Variants in ATP8A2 observed in about 807,000 individuals in gnomAD.
ATP8A2 encodes the protein phospholipid-transporting ATPase IB.
In ATP8A2, 100 loss-of-function variants were observed where a neutral mutation model predicts 165.6. That is an observed-to-expected ratio of 0.60 (90% CI 0.51 to 0.71). The LOEUF (loss-of-function observed/expected upper bound fraction) is 0.71, where lower values mean the gene tolerates loss of function less well. ATP8A2 is among the 30% of genes least tolerant of loss of function. The pLI, the probability that ATP8A2 is intolerant of heterozygous loss-of-function variation, is 0.00. For synonymous variants in ATP8A2, 543 were observed against 548.8 expected (o/e 0.99, Z 0.15); for missense variants, 1,227 against 1,479.5 (o/e 0.83, Z 2.80).
At chr13:25,591,147 G>GTGTA (rs2040064250) in intron 24 of ATP8A2, 1 of 402,512 alleles carries the variant, frequency 2.5e-6, no homozygotes, top group Non-Finnish European at 5.1e-6. Context: ...GTGTGTGTGT[G>GTGTA]TGTGTGTGTG....
rs115212780 is a variant in ATP8A2 at position 25,390,116 on chromosome 13, T to C, written c.76+17828T>C. The stretch of plus-strand genomic sequence containing the variant: ...TTCAAACGATTCTCCTACCTCAGCC[T>C]CTGAGTAGCTGGGAATACAGGCATG... On this transcript the variant is annotated intron_variant, in intron 1 of 36. Transcript: ENST00000381655. Among the ~76,000 whole-genome samples the C allele has an allele frequency of 6.3e-3, 960 of 152,220 alleles. 8 individuals are homozygous for C. The highest frequency in any genetic ancestry group is 0.022 in the African/African-American group (905 of 41,546).
At position 25,469,077 on chromosome 13, in the gene ATP8A2, C is replaced by T. The variant is rs1456968095; in HGVS notation, c.177C>T (p.Tyr59=). The stretch of plus-strand genomic sequence containing the variant: ...TGGAGGCACCCGCCCGCACCATTTA[C>T]CTCAACCAACCGCATCTCAACAAAT... The part of the protein sequence containing the change: ...DQLEAPARTI[Y]LNQPHLNKFR... The change falls in exon 2 of 37, where the codon TAC becomes TAT. Residue 59 remains tyrosine (Y), a synonymous_variant. Transcript: ENST00000381655. 1.2e-6 allele frequency: 2 copies of T among 1,614,048 alleles called. No individual in the cohort carries two copies. The highest frequency in any genetic ancestry group is 1.7e-5 in the Admixed American group (1 of 60,026).
intron 33 of ATP8A2, among the ~76,000 whole-genome samples, chr13:25,889,040 A>G (rs1385274668): frequency 6.6e-6 from 1 of 151,996 alleles, no homozygotes; most frequent in Non-Finnish European, 1.5e-5. Flanking sequence ...GAAGCAAACA[A>G]TGTGAGTTCT....
At chr13:25,421,306 C>T (rs1306436049) in intron 1 of ATP8A2, among the ~76,000 whole-genome samples, 6 of 152,142 alleles carry the variant, frequency 3.9e-5, no homozygotes, top group South Asian at 2.1e-4. Flanking sequence ...CATTTTTAAA[C>T]GTGTTTCTCT....
At chr13:25,699,419 T>TACAGACACA in intron 25 of ATP8A2, 74 bp downstream of exon 25, 1 of 1,156,522 alleles carries the variant, frequency 8.6e-7, no homozygotes, top group Non-Finnish European at 1.2e-6. Flanking sequence ...AAGAAAGGGA[T>TACAGACACA]GCATGGGAAT....
chr13:25,978,396 A>C (rs781562917), intron 35 of ATP8A2, among the ~76,000 whole-genome samples: 1 of 152,178 alleles, frequency 6.6e-6, no homozygotes, highest in Non-Finnish European at 1.5e-5. Context: ...TCTGAGAGTA[A>C]GACATTCCAG....
At chr13:25,919,921 G>A (rs1954397609) in intron 33 of ATP8A2, among the ~76,000 whole-genome samples, 1 of 151,950 alleles carries the variant, frequency 6.6e-6, no homozygotes, top group Non-Finnish European at 1.5e-5. Context: ...CAAGTAGCTG[G>A]GACCACAGAC....
At chr13:25,581,235 C>A (rs960967162) in intron 22 of ATP8A2, among the ~76,000 whole-genome samples, 3 of 152,112 alleles carry the variant, frequency 2.0e-5, no homozygotes, top group South Asian at 4.1e-4. Context: ...GACCAGCAGG[C>A]ACAGTGCGGG....
intron 15 of ATP8A2, among the ~76,000 whole-genome samples, chr13:25,563,241 C>A (rs1352841234): frequency 6.6e-6 from 1 of 152,102 alleles, no homozygotes; most frequent in Non-Finnish European, 1.5e-5. Context: ...AAAACCCTGT[C>A]TCTACTAAAA....
At chr13:25,584,171 TAAATGTCGTC>T (rs542259525) in intron 23 of ATP8A2, among the ~76,000 whole-genome samples, 140 of 152,328 alleles carry the variant, frequency 9.2e-4, no homozygotes, top group African/African-American at 3.1e-3. Flanking sequence ...GCCGAGAATT[TAAATGTCGTC>T]TTGTGATTTA....
chr13:25,475,650 T>C (rs1380540020), intron 2 of ATP8A2, among the ~76,000 whole-genome samples: 2 of 152,218 alleles, frequency 1.3e-5, no homozygotes, highest in Non-Finnish European at 2.9e-5. Context: ...GTGTAAGTGT[T>C]CCCTTTTCTC....
rs1236250035 is a variant in ATP8A2, at chr13:25,953,965, T to C, written c.3184-7610T>C. Among the ~76,000 whole-genome samples the C allele has an allele frequency of 6.6e-6, 1 of 152,054 alleles. No individual in the cohort carries two copies. The highest frequency in any genetic ancestry group is 2.4e-5 in the African/African-American group (1 of 41,402). On this transcript the variant is annotated intron_variant, in intron 33 of 36. Transcript: ENST00000381655. This position sits in a 1 kb window ranked among gnomAD's most constrained non-coding sequence, Gnocchi z 6.7. ...ACCGAGCTAGCTGCAGGAGTTTTTT[T>C]TTTTCATACCCCAGTGGCACCTGGA...
intron 24 of ATP8A2, among the ~76,000 whole-genome samples, chr13:25,597,173 T>C (rs2040257633): frequency 6.6e-6 from 1 of 152,238 alleles, no homozygotes; most frequent in African/African-American, 2.4e-5. Context: ...CCCTGTTTCA[T>C]AGATGTCTGT....
At chr13:25,494,566 CTTGT>C (rs1372079075) in intron 2 of ATP8A2, among the ~76,000 whole-genome samples, 1 of 152,058 alleles carries the variant, frequency 6.6e-6, no homozygotes, top group Non-Finnish European at 1.5e-5. Flanking sequence ...TGTTTGCCTG[CTTGT>C]TTGTTTTTAT....
At chr13:25,541,359 CA>C (rs1566242803) in intron 8 of ATP8A2, among the ~76,000 whole-genome samples, 1 of 151,848 alleles carries the variant, frequency 6.6e-6, no homozygotes. Context: ...CCTATCTCTA[CA>C]AAAAACTTAA....
intron 24 of ATP8A2, among the ~76,000 whole-genome samples, chr13:25,637,488 C>T (rs986589269): frequency 6.6e-5 from 10 of 152,192 alleles, no homozygotes; most frequent in South Asian, 6.2e-4. Context: ...GAGGGTCCCA[C>T]GCCCACAGAG....
At chr13:25,730,689 A>C (rs1417728726) in intron 25 of ATP8A2, among the ~76,000 whole-genome samples, 7 of 152,196 alleles carry the variant, frequency 4.6e-5, no homozygotes, top group African/African-American at 1.7e-4. Context: ...CAAATGTAGA[A>C]TCCATGCCCA....
intron 28 of ATP8A2, 126 bp from the exon 29 acceptor site, chr13:25,837,037 A>T: frequency 8.6e-7 from 1 of 1,168,874 alleles, no homozygotes; most frequent in South Asian, 1.6e-5. Context: ...GTGTCTGGGG[A>T]TCTGTGAATC....
chr13:25,958,941 G>T (rs1050997987), intron 33 of ATP8A2, among the ~76,000 whole-genome samples: 1 of 152,032 alleles, frequency 6.6e-6, no homozygotes, highest in Non-Finnish European at 1.5e-5. Context: ...TATTTACAGG[G>T]TACATTTGAG....
Sources: allele counts gnomAD v4.1 joint callset (sites outside exome capture counted in the v4.1 genomes callset), GRCh38; gene constraint gnomAD v4.1.1; non-coding constraint Gnocchi (gnomAD v3.1); transcripts MANE v1.5; gene names NCBI Gene and HGNC (gene_info 2026-07-23, HGNC 2026-07-21).